TANC2: variants seen among roughly 807,000 people sequenced by gnomAD.
TANC2 encodes protein TANC2.
In TANC2, 26 loss-of-function variants were observed where a neutral mutation model predicts 210.5. That is an observed-to-expected ratio of 0.12 (90% CI 0.09 to 0.17). The LOEUF (loss-of-function observed/expected upper bound fraction) is 0.17. Ranked by LOEUF, TANC2 falls within the 10% of genes least tolerant of loss-of-function variation. TANC2 has a pLI of 1.00. For synonymous variants in TANC2, 931 were observed against 967.1 expected (o/e 0.96, Z 0.69); for missense variants, 2,129 against 2,608.9 (o/e 0.82, Z 4.01).
At chr17:63,208,476 T>TAGAA (rs2041789992) in intron 7 of TANC2, among the ~76,000 whole-genome samples, 1 of 152,212 alleles carries the variant, frequency 6.6e-6, no homozygotes, top group South Asian at 2.1e-4. Flanking sequence ...GATCATCATC[T>TAGAA]TGAGGATTCT....
At chr17:62,996,994 T>TTTTTTTTTTTTTTTTAA (rs2033144497) in intron 1 of TANC2, among the ~76,000 whole-genome samples, 1 of 143,660 alleles carries the variant, frequency 7.0e-6, no homozygotes, top group African/African-American at 2.7e-5. Flanking sequence ...TTTGTATTTT[T>TTTTTTTTTTTTTTTTAA]AGTATAGATG....
intron 1 of TANC2, among the ~76,000 whole-genome samples, chr17:62,997,594 A>G (rs1471208920): frequency 1.3e-5 from 2 of 152,232 alleles, no homozygotes; most frequent in Non-Finnish European, 2.9e-5. Flanking sequence ...CTGGAAAGAT[A>G]ATACTTAGTT....
At chr17:63,319,409 A>G (rs2146625447) in intron 11 of TANC2, among the ~76,000 whole-genome samples, 1 of 152,304 alleles carries the variant, frequency 6.6e-6, no homozygotes, top group African/African-American at 2.4e-5. Context: ...CAGTGGTGCA[A>G]TCTCAGCTCA....
chr17:63,058,312 G>A (rs548973725), intron 2 of TANC2, among the ~76,000 whole-genome samples: 68 of 151,794 alleles, frequency 4.5e-4, no homozygotes, highest in South Asian at 2.1e-4. Flanking sequence ...TATACATGCC[G>A]GATTATTAGA....
chr17:63,258,545 C>T (rs185019398), intron 8 of TANC2, among the ~76,000 whole-genome samples: 257 of 151,814 alleles, frequency 1.7e-3, no homozygotes, highest in Admixed American at 2.6e-3. Context: ...TGCAGTGGAG[C>T]GGGCACCAAA....
At chr17:63,010,546 C>T (rs1273917539) in intron 2 of TANC2, among the ~76,000 whole-genome samples, 8 of 151,666 alleles carry the variant, frequency 5.3e-5, no homozygotes, top group Non-Finnish European at 7.4e-5. Flanking sequence ...TCAATTCTGA[C>T]GCTGTCTACC....
chr17:63,097,871 G>T (rs924607381), intron 3 of TANC2, among the ~76,000 whole-genome samples: 5 of 151,752 alleles, frequency 3.3e-5, no homozygotes, highest in Non-Finnish European at 7.4e-5. Flanking sequence ...TCCATTCTTT[G>T]ACTCTCCATT....
intron 11 of TANC2, among the ~76,000 whole-genome samples, chr17:63,323,672 C>T (rs1240332459): frequency 6.6e-6 from 1 of 152,136 alleles, no homozygotes; most frequent in African/African-American, 2.4e-5. Flanking sequence ...CTTATATTTG[C>T]TATATCATTT....
chr17:63,202,267 C>G (rs1269017012), intron 7 of TANC2, among the ~76,000 whole-genome samples: 1 of 151,994 alleles, frequency 6.6e-6, no homozygotes, highest in East Asian at 1.9e-4. Context: ...ATTTTCTAGT[C>G]AGAAATAAGA....
At chr17:63,127,676 T>C (rs1199496155) in intron 4 of TANC2, among the ~76,000 whole-genome samples, 1 of 152,252 alleles carries the variant, frequency 6.6e-6, no homozygotes, top group Non-Finnish European at 1.5e-5. Flanking sequence ...CAGGATTTTA[T>C]ACTCTGCTTT....
chr17:63,074,112 G>A (rs1003445852), intron 3 of TANC2, 98 bp downstream of exon 3: 4 of 797,820 alleles, frequency 5.0e-6, no homozygotes, highest in Non-Finnish European at 7.5e-6. Context: ...CCATGGTATA[G>A]TTTAGATATT....
At chr17:63,329,926 C>G (rs2045779749) in intron 11 of TANC2, among the ~76,000 whole-genome samples, 1 of 152,172 alleles carries the variant, frequency 6.6e-6, no homozygotes, top group Admixed American at 6.5e-5. Flanking sequence ...GAAGGCATGT[C>G]AAAAACCCAA....
intron 11 of TANC2, among the ~76,000 whole-genome samples, chr17:63,321,308 C>T (rs2045486098): frequency 6.6e-6 from 1 of 151,962 alleles, no homozygotes; most frequent in Non-Finnish European, 1.5e-5. Flanking sequence ...TGAGAGATTT[C>T]TTCAACATTA....
chr17:63,348,810 C>T (rs1393613335), intron 12 of TANC2, among the ~76,000 whole-genome samples: 1 of 152,044 alleles, frequency 6.6e-6, no homozygotes, highest in African/African-American at 2.4e-5. Flanking sequence ...AGTGAACATA[C>T]TGAAGCATTC....
chr17:63,106,189 A>G (rs923076724), intron 4 of TANC2, among the ~76,000 whole-genome samples: 1 of 151,662 alleles, frequency 6.6e-6, no homozygotes, highest in Admixed American at 6.6e-5. Flanking sequence ...CTTCCAAATC[A>G]AAAGTAGAGA....
At chr17:63,259,518 C>T (rs1396686474) in intron 8 of TANC2, among the ~76,000 whole-genome samples, 1 of 152,134 alleles carries the variant, frequency 6.6e-6, no homozygotes, top group Non-Finnish European at 1.5e-5. Context: ...TCTTGTTCCA[C>T]CTTCCCTCGT....
At chr17:63,340,682 T>G (rs759863418) in intron 12 of TANC2, among the ~76,000 whole-genome samples, 1 of 152,052 alleles carries the variant, frequency 6.6e-6, no homozygotes, top group Non-Finnish European at 1.5e-5. Context: ...TGGTTAGAAA[T>G]CCCCCCTGTA....
At chr17:63,024,033 T>C (rs2034454085) in intron 2 of TANC2, among the ~76,000 whole-genome samples, 1 of 152,234 alleles carries the variant, frequency 6.6e-6, no homozygotes, top group Admixed American at 6.5e-5. Context: ...TTACTAACTT[T>C]ACAAGATGAA....
At chr17:63,292,739 T>C (rs1440914409) in intron 9 of TANC2, among the ~76,000 whole-genome samples, 1 of 152,202 alleles carries the variant, frequency 6.6e-6, no homozygotes, top group Non-Finnish European at 1.5e-5. Flanking sequence ...GTTGGCTTGA[T>C]GATATGGATG....
Sources: gnomAD v4.1 joint callset for allele counts (sites outside exome capture counted in the v4.1 genomes callset) on GRCh38, gnomAD v4.1.1 for gene constraint, MANE v1.5 for transcripts, NCBI Gene and HGNC (gene_info 2026-07-23, HGNC 2026-07-21) for gene names.